PDXDC1: variants seen among roughly 807,000 people sequenced by gnomAD.
PDXDC1 encodes the protein pyridoxal-dependent decarboxylase domain-containing protein 1.
In PDXDC1, 42 loss-of-function variants were observed where a neutral mutation model predicts 100.1. That is an observed-to-expected ratio of 0.42 (90% CI 0.33 to 0.54). PDXDC1 has a LOEUF of 0.54. Among genes scored for constraint, PDXDC1 ranks in the 20% least tolerant of loss-of-function variants. The probability of loss-of-function intolerance (pLI) is 0.10; values close to 1 mark genes in which losing one functional copy is unlikely to be tolerated. For synonymous variants in PDXDC1, 260 were observed against 371.7 expected (o/e 0.70, Z 3.46); for missense variants, 636 against 979.2 (o/e 0.65, Z 4.68).
At chr16:14,976,793 G>C (rs1202721392) in intron 1 of PDXDC1, 1 of 152,532 alleles carries the variant, frequency 6.6e-6, no homozygotes, top group Non-Finnish European at 1.5e-5. Context: ...GAATTCTCTG[G>C]CCCAAAATGT....
chr16:14,981,211 C>T (rs533176879), intron 1 of PDXDC1, among the ~76,000 whole-genome samples: 60 of 152,400 alleles, frequency 3.9e-4, no homozygotes, highest in African/African-American at 1.2e-3. Context: ...CTTTACTTTA[C>T]GAGTGTGCCT....
intron 16 of PDXDC1, among the ~76,000 whole-genome samples, chr16:15,073,544 A>G (rs1597916742): frequency 6.6e-6 from 1 of 152,236 alleles, no homozygotes; most frequent in Non-Finnish European, 1.5e-5. Flanking sequence ...TCCTCTGAAT[A>G]TAATAATCTA....
chr16:15,142,440 C>T (rs1370010636), downstream of PDXDC1, among the ~76,000 whole-genome samples: 3 of 152,086 alleles, frequency 2.0e-5, no homozygotes, highest in Admixed American at 6.5e-5. Flanking sequence ...CCCGCTCGGC[C>T]GAGCTCCCAG....
chr16:15,014,276 T>A (rs1259495501), intron 8 of PDXDC1, among the ~76,000 whole-genome samples: 1 of 151,736 alleles, frequency 6.6e-6, no homozygotes, highest in Non-Finnish European at 1.5e-5. Context: ...AGGAAAACCA[T>A]CACTTCCTGC....
At position 15,033,280 on chromosome 16, in the gene PDXDC1, C is replaced by T. The variant is rs1181216209; in HGVS notation, c.1693C>T (p.Pro565Ser). ...LESDLTFKIG[P>S]EYKSMKSCLY... The stretch of plus-strand genomic sequence containing the variant: ...AGTTTGTCTCGTTACCTTTGCAGGC[C>T]CTGAGTATAAGAGCATGAAGAGCTG... The change falls in exon 19 of 23, where the codon CCT becomes TCT. Residue 565 changes from proline to serine, a missense_variant and splice_region_variant. Physicochemically the swap from Pro to Ser is moderately conservative, Grantham distance 74. Around this residue, in one of 4 missense-constraint regions of PDXDC1, gnomAD observed 452 missense variants for 402.9 expected, o/e 1.12. Transcript: ENST00000396410. 4.3e-6 allele frequency: 7 copies of T among 1,614,024 alleles called. No homozygotes were observed. In the Admixed American group the frequency reaches 5.0e-5, roughly 12 times the overall value.
downstream of PDXDC1, among the ~76,000 whole-genome samples, chr16:15,040,721 G>A (rs374835720): frequency 6.6e-5 from 10 of 152,238 alleles, no homozygotes; most frequent in East Asian, 1.5e-3. Context: ...CTCCCCCAGA[G>A]CACTGGCAGG....
chr16:15,006,635 T>G, intron 6 of PDXDC1, 52 bp downstream of exon 6: 4 of 1,480,494 alleles, frequency 2.7e-6, no homozygotes, highest in Non-Finnish European at 3.6e-6. Context: ...TATTTTGTTC[T>G]GAAAGTTTTA....
At position 15,035,518 on chromosome 16, in the gene PDXDC1, C is replaced by T. The variant is rs371348587; in HGVS notation, c.2072C>T (p.Thr691Met). Reference sequence around the variant, plus strand: ...GGTGCAGGAGTCACGCTGCCTCCAACGCCCTCGGGCAGTCGCACCAAGCAG... The same window carrying T: ...GGTGCAGGAGTCACGCTGCCTCCAATGCCCTCGGGCAGTCGCACCAAGCAG... Reference protein sequence around the residue: ...AQGAGVTLPPTPSGSRTKQRL... With the variant: ...AQGAGVTLPPMPSGSRTKQRL... The change falls in exon 22 of 23, where the codon ACG (threonine) becomes ATG (methionine). Residue 691 changes from threonine (T) to methionine (M), a missense_variant. Thr to Met is a moderately conservative substitution (Grantham distance 81, BLOSUM62 -1). Transcript: ENST00000396410. The T allele has an allele frequency of 6.0e-5, 97 of 1,612,222 alleles. No homozygotes were observed. Among genetic ancestry groups the T allele is most frequent in the Admixed American group, 1.7e-4 (10 of 59,946 alleles).
intron 16 of PDXDC1, among the ~76,000 whole-genome samples, chr16:15,085,190 T>A: frequency 6.6e-6 from 1 of 152,248 alleles, no homozygotes; most frequent in East Asian, 1.9e-4. Context: ...GAAAATTAAA[T>A]GGACTAATTA....
intron 1 of PDXDC1, among the ~76,000 whole-genome samples, chr16:14,984,474 TAC>T (rs1410470834): frequency 8.3e-6 from 1 of 120,530 alleles, no homozygotes; most frequent in East Asian, 3.8e-4. Flanking sequence ...TGTGTGTGTA[TAC>T]ATATATATAT....
intron 16 of PDXDC1, chr16:15,047,308 G>C (rs975498769): frequency 3.0e-6 from 2 of 670,948 alleles, no homozygotes; most frequent in Admixed American, 4.6e-5. Flanking sequence ...CGTCGTGCCA[G>C]GTTCTGTTCC....
At chr16:14,974,873 GAT>G (rs1966538113), upstream of PDXDC1, 1 of 1,535,524 alleles carries the variant, frequency 6.5e-7, no homozygotes, top group African/African-American at 1.4e-5. Flanking sequence ...CTTCTACCTT[GAT>G]GATTGCAACA....
chr16:15,141,420 G>GA (rs1415409375), downstream of PDXDC1, among the ~76,000 whole-genome samples: 1 of 152,250 alleles, frequency 6.6e-6, no homozygotes, highest in African/African-American at 2.4e-5. Flanking sequence ...CGCCCAGACA[G>GA]ATGAGACGCT....
At chr16:15,128,083 C>T (rs780687345) in intron 16 of PDXDC1, 20 of 1,608,960 alleles carry the variant, frequency 1.2e-5, no homozygotes, top group East Asian at 2.2e-5. Flanking sequence ...TGCTGTGTGC[C>T]GTCTGCAGGT....
At chr16:15,033,548 G>C (rs535443575) in intron 19 of PDXDC1, 149 bp downstream of exon 19, 25 of 916,808 alleles carry the variant, frequency 2.7e-5, no homozygotes, top group Non-Finnish European at 1.7e-6. Flanking sequence ...CTTGTGCCAG[G>C]TGTCAGAGAT....
intron 16 of PDXDC1, among the ~76,000 whole-genome samples, chr16:15,097,512 G>A (rs572567318): frequency 6.7e-6 from 1 of 148,704 alleles, no homozygotes; most frequent in Admixed American, 6.8e-5. Context: ...CGTGGTGGCA[G>A]GCACTTGTAA....
At chr16:15,041,104 C>T, downstream of PDXDC1, 1 of 1,582,758 alleles carries the variant, frequency 6.3e-7, no homozygotes, top group Non-Finnish European at 8.7e-7. Flanking sequence ...TTTTCGTTTT[C>T]TTCCCGGTCA....
chr16:15,068,749 TC>T (rs2045092077), intron 16 of PDXDC1, among the ~76,000 whole-genome samples: 2 of 152,202 alleles, frequency 1.3e-5, no homozygotes, highest in Admixed American at 1.3e-4. Context: ...ACAAGAAAAC[TC>T]CAAATTTGCC....
intron 16 of PDXDC1, among the ~76,000 whole-genome samples, chr16:15,099,182 G>T (rs1317016963): frequency 2.0e-5 from 3 of 152,060 alleles, no homozygotes; most frequent in Non-Finnish European, 4.4e-5. Context: ...CTGTACTTTG[G>T]GAGGCTGAGG....
Sources: allele counts gnomAD v4.1 joint callset (sites outside exome capture counted in the v4.1 genomes callset), GRCh38; gene constraint gnomAD v4.1.1; regional missense constraint gnomAD v4.1.1; transcripts MANE v1.5; gene names NCBI Gene and HGNC (gene_info 2026-07-23, HGNC 2026-07-21).